Variants in COLEC12 observed in about 807,000 individuals in gnomAD.
COLEC12 encodes collectin-12.
A neutral mutation model predicts 71.1 loss-of-function variants in COLEC12; 33 were observed. The observed-to-expected ratio is 0.46, with a 90% CI of 0.35 to 0.62. COLEC12 has a LOEUF of 0.62. Among genes scored for constraint, COLEC12 ranks in the 20% least tolerant of loss-of-function variants. COLEC12 has a pLI of 0.00. For synonymous variants in COLEC12, 350 were observed against 353.0 expected, an observed-to-expected ratio of 0.99 and a Z score of 0.10; for missense variants, 765 against 916.1, an observed-to-expected ratio of 0.84 and a Z score of 2.13.
At chr18:452,778 T>G (rs563373811) in intron 2 of COLEC12, among the ~76,000 whole-genome samples, 3 of 152,366 alleles carry the variant, frequency 2.0e-5, no homozygotes, top group Non-Finnish European at 4.4e-5. Context: ...TTGTATTTCT[T>G]TTCCACAGAA....
chr18:336,881 A>T lies in COLEC12; in HGVS notation c.1328-1651T>A, dbSNP rs1914130852. Among the ~76,000 whole-genome samples the T allele has an allele frequency of 2.0e-5, 3 of 151,946 alleles. No individual in the cohort carries two copies. The South Asian group carries it at 6.2e-4, about 32-fold the overall frequency. On this transcript the variant is annotated intron_variant, in intron 5 of 9. Coordinates refer to ENST00000400256, the MANE Select transcript of COLEC12 (RefSeq NM_130386.3). ...AGTCTCACTCTTTTTTTTTAGAGAC[A>T]GTCTCACTCTGTCACCCAGGCTGGA...
rs143332091 is a variant in COLEC12, at chr18:362,809, G to A, written c.59-5287C>T. Among the ~76,000 whole-genome samples the A allele has an allele frequency of 3.1e-3, 469 of 152,264 alleles. 1 individual carries two copies. The highest frequency in any genetic ancestry group is 4.0e-3 in the Non-Finnish European group (270 of 68,032). On this transcript the variant is annotated intron_variant, in intron 2 of 9. Transcript: ENST00000400256. The surrounding 1 kb of genome is among the most constrained non-coding windows in gnomAD (Gnocchi z 4.6). The stretch of plus-strand genomic sequence containing the variant: ...GCTTTTCCCTCTTGAACTATCTCCC[G>A]CTGAACTCCACTCTTGGCTCATGTT...
At chr18:396,328 A>C (rs1915571109) in intron 2 of COLEC12, among the ~76,000 whole-genome samples, 1 of 152,232 alleles carries the variant, frequency 6.6e-6, no homozygotes, top group Admixed American at 6.5e-5. Context: ...AAATCCCTGC[A>C]GTCTCAGAGC....
At chr18:328,318 T>C (rs1913892362) in intron 8 of COLEC12, among the ~76,000 whole-genome samples, 1 of 152,166 alleles carries the variant, frequency 6.6e-6, no homozygotes, top group South Asian at 2.1e-4. Flanking sequence ...TGAGTCTGAC[T>C]AGGAGGAGAC....
rs1226132480 is a variant in COLEC12, at chr18:399,685, T to A, written c.59-42163A>T. On this transcript the variant is annotated intron_variant, in intron 2 of 9. Transcript: ENST00000400256. The surrounding 1 kb of genome is among the most constrained non-coding windows in gnomAD (Gnocchi z 4.0). ...TTTGGGGAAGAACCCTACTTTGTGC[T>A]GTTACCTGTTGTTAGTTCAACGGGG... 6.6e-6 allele frequency among the ~76,000 whole-genome samples: 1 copy of A among 152,208 alleles called. No homozygotes were observed. Among genetic ancestry groups the A allele is most frequent in the Non-Finnish European group, 1.5e-5 (1 of 68,046 alleles).
At chr18:333,743 G>A (rs1914038506) in intron 6 of COLEC12, 1 of 152,262 alleles carries the variant, frequency 6.6e-6, no homozygotes, top group Non-Finnish European at 1.5e-5. Flanking sequence ...CCATCCACAT[G>A]TTGATGGAGC....
At chr18:357,257 CA>C in intron 3 of COLEC12, 142 bp downstream of exon 3, 1 of 718,864 alleles carries the variant, frequency 1.4e-6, no homozygotes, top group South Asian at 2.1e-5. Flanking sequence ...GTTTAAGATA[CA>C]GAGATGAAGT....
At position 453,085 on chromosome 18, in the gene COLEC12, G is replaced by T. The variant is rs544973275; in HGVS notation, c.58+27622C>A. On this transcript the variant is annotated intron_variant, in intron 2 of 9. Coordinates refer to ENST00000400256, the MANE Select transcript of COLEC12 (RefSeq NM_130386.3). ...GAGAACTTCTGAACAACAAAGAGAG[G>T]TCTCTGGGGTTTGGTGGTTTATTTT... 5.9e-5 allele frequency among the ~76,000 whole-genome samples: 9 copies of T among 152,318 alleles called. No individual in the cohort carries two copies. The East Asian group carries it at 1.7e-3, about 29-fold the overall frequency.
intron 2 of COLEC12, among the ~76,000 whole-genome samples, chr18:376,629 G>A (rs1487468608): frequency 6.6e-6 from 1 of 152,142 alleles, no homozygotes; most frequent in African/African-American, 2.4e-5. Flanking sequence ...CTCTGTCCTT[G>A]GGGAGCTCCC....
chr18:393,336 A>G (rs995757776), intron 2 of COLEC12, among the ~76,000 whole-genome samples: 1 of 152,090 alleles, frequency 6.6e-6, no homozygotes, highest in Non-Finnish European at 1.5e-5. Flanking sequence ...TCTCTCGAGC[A>G]TTTGGCTTTT....
At position 356,046 on chromosome 18, in the gene COLEC12, C is replaced by T. The variant is rs547259408; in HGVS notation, c.181+1354G>A. Reference sequence around the variant, plus strand: ...ACTCAATGATGCACATTATTTTCCACGTATATGGCCTTAGAGATGGGACTA... The same window carrying T: ...ACTCAATGATGCACATTATTTTCCATGTATATGGCCTTAGAGATGGGACTA... On this transcript the variant is annotated intron_variant, in intron 3 of 9. Coordinates refer to ENST00000400256, the MANE Select transcript of COLEC12 (RefSeq NM_130386.3). Among the ~76,000 whole-genome samples the T allele has an allele frequency of 5.3e-5, 8 of 152,252 alleles. No individual in the cohort carries two copies. The East Asian group carries it at 5.8e-4, about 11-fold the overall frequency.
rs1428460084 is a variant in COLEC12 at position 408,542 on chromosome 18, A to C, written c.59-51020T>G. Among the ~76,000 whole-genome samples, 1 of 152,144 alleles carries C rather than the reference A, an allele frequency of 6.6e-6. No individual in the cohort carries two copies. The highest frequency in any genetic ancestry group is 2.4e-5 in the African/African-American group (1 of 41,440). On this transcript the variant is annotated intron_variant, in intron 2 of 9. Coordinates refer to ENST00000400256, the MANE Select transcript of COLEC12 (RefSeq NM_130386.3). This position sits in a 1 kb window ranked among gnomAD's most constrained non-coding sequence, Gnocchi z 4.3. ...GGAATGAAGGCAAGATTAAGCTTGAATTATTCATAGCGGTCTCAAAGTTGA... is the reference window on the plus strand; with the variant it reads ...GGAATGAAGGCAAGATTAAGCTTGACTTATTCATAGCGGTCTCAAAGTTGA...
At chr18:485,656 A>ATTTGGCTGCTGAT (rs1388630825) in intron 1 of COLEC12, among the ~76,000 whole-genome samples, 3 of 152,258 alleles carry the variant, frequency 2.0e-5, no homozygotes, top group Non-Finnish European at 4.4e-5. Flanking sequence ...GTTGAACAGA[A>ATTTGGCTGCTGAT]TTTGGCTGCT....
At chr18:331,169 G>A (rs1913971449) in intron 8 of COLEC12, among the ~76,000 whole-genome samples, 1 of 152,226 alleles carries the variant, frequency 6.6e-6, no homozygotes, top group South Asian at 2.1e-4. Context: ...GATTACAGGC[G>A]TGAGCCACTG....
chr18:360,130 CTG>C (rs753678319), intron 2 of COLEC12, among the ~76,000 whole-genome samples: 8 of 151,586 alleles, frequency 5.3e-5, no homozygotes, highest in Non-Finnish European at 1.2e-4. Context: ...TTAAAACACA[CTG>C]TTTCTAATTC....
chr18:402,120 G>C (rs1477505986), intron 2 of COLEC12, among the ~76,000 whole-genome samples: 1 of 152,170 alleles, frequency 6.6e-6, no homozygotes, highest in Non-Finnish European at 1.5e-5. Context: ...CAGAAGCAAA[G>C]CAGCCAAAGC....
chr18:395,459 G>A (rs568608779), intron 2 of COLEC12, among the ~76,000 whole-genome samples: 20 of 152,262 alleles, frequency 1.3e-4, no homozygotes, highest in African/African-American at 4.3e-4. Context: ...CAACCCCTGC[G>A]AGCACTGGAC....
intron 2 of COLEC12, among the ~76,000 whole-genome samples, chr18:444,124 G>A (rs1297102174): frequency 3.3e-5 from 5 of 151,776 alleles, no homozygotes; most frequent in African/African-American, 1.2e-4. Flanking sequence ...TGCAAGAATG[G>A]ACTAACACAA....
intron 2 of COLEC12, among the ~76,000 whole-genome samples, chr18:365,506 T>C (rs1432364849): frequency 1.3e-5 from 2 of 152,188 alleles, no homozygotes; most frequent in African/African-American, 4.8e-5. Context: ...GAAGTTCTAG[T>C]ATGCTTGAAA....
Sources: gnomAD v4.1 joint callset for allele counts (sites outside exome capture counted in the v4.1 genomes callset) on GRCh38, gnomAD v4.1.1 for gene constraint, Gnocchi (gnomAD v3.1) non-coding constraint, MANE v1.5 for transcripts, NCBI Gene and HGNC (gene_info 2026-07-23, HGNC 2026-07-21) for gene names.